Variants in LINGO2 observed in about 807,000 individuals in gnomAD.
LINGO2 encodes the protein leucine rich repeat and Ig domain containing 2, also known as leucine-rich repeat and immunoglobulin-like domain-containing nogo receptor-interacting protein 2.
In LINGO2, 14 loss-of-function variants were observed where a neutral mutation model predicts 30.6. The observed-to-expected ratio is 0.46, with a 90% confidence interval of 0.30 to 0.72. LINGO2 has a LOEUF of 0.72. LINGO2 is among the 30% of genes least tolerant of loss of function. LINGO2 has a pLI of 0.07. For missense variants in LINGO2, 729 were observed against 751.7 expected, an observed-to-expected ratio of 0.97 and a Z score of 0.35; for synonymous variants, 317 against 288.5, an observed-to-expected ratio of 1.10 and a Z score of -1.00.
At chr9:28,205,208 T>C (rs1387663242) in intron 4 of LINGO2, among the ~76,000 whole-genome samples, 2 of 152,324 alleles carry the variant, frequency 1.3e-5, no homozygotes, top group African/African-American at 2.4e-5. Context: ...TGTGTTCAAA[T>C]AGCATATGAT....
chr9:28,542,273 G>GA (rs565574188), intron 1 of LINGO2, among the ~76,000 whole-genome samples: 151 of 149,260 alleles, frequency 1.0e-3, no homozygotes, highest in South Asian at 3.0e-3. Context: ...GGTAGATCCT[G>GA]AAAAAAAAAC....
intron 1 of LINGO2, among the ~76,000 whole-genome samples, chr9:28,495,649 T>G (rs528666105): frequency 5.9e-5 from 9 of 152,024 alleles, no homozygotes; most frequent in Admixed American, 5.9e-4. Flanking sequence ...GTCAGGTGTC[T>G]CTATTTCCTT....
intron 1 of LINGO2, among the ~76,000 whole-genome samples, chr9:28,532,349 G>A (rs1375084894): frequency 6.6e-6 from 1 of 152,094 alleles, no homozygotes; most frequent in East Asian, 1.9e-4. Context: ...AATAGGTTGT[G>A]AGAATTCAAA....
chr9:28,433,123 A>G (rs1237298318), intron 2 of LINGO2, among the ~76,000 whole-genome samples: 2 of 152,172 alleles, frequency 1.3e-5, no homozygotes, highest in African/African-American at 4.8e-5. Flanking sequence ...GCAGTGGATT[A>G]TAAAGACATG....
chr9:28,037,338 T>C (rs1490317710), intron 4 of LINGO2, among the ~76,000 whole-genome samples: 1 of 152,218 alleles, frequency 6.6e-6, no homozygotes, highest in African/African-American at 2.4e-5. Flanking sequence ...TTAAACTTTA[T>C]ACTCCAGTAA....
At chr9:28,179,329 T>C (rs1397242211) in intron 4 of LINGO2, among the ~76,000 whole-genome samples, 1 of 143,242 alleles carries the variant, frequency 7.0e-6, no homozygotes, top group Non-Finnish European at 1.5e-5. Context: ...ATACTATATG[T>C]ATATATATAC....
At chr9:28,041,201 A>C (rs1045128221) in intron 4 of LINGO2, among the ~76,000 whole-genome samples, 2 of 152,186 alleles carry the variant, frequency 1.3e-5, no homozygotes, top group African/African-American at 4.8e-5. Flanking sequence ...TGCACCTCAT[A>C]AACTGTTTTC....
chr9:28,371,107 T>A (rs1820878180), intron 3 of LINGO2, among the ~76,000 whole-genome samples: 1 of 152,302 alleles, frequency 6.6e-6, no homozygotes, highest in South Asian at 2.1e-4. Flanking sequence ...AATATTTAAA[T>A]GTTTCCTGGA....
chr9:27,988,389 G>T (rs966362289), intron 5 of LINGO2, among the ~76,000 whole-genome samples: 8 of 151,958 alleles, frequency 5.3e-5, no homozygotes, highest in African/African-American at 1.9e-4. Context: ...TGGGTCCAAT[G>T]GTATTTCTAG....
the LINGO2 span, among the ~76,000 whole-genome samples, chr9:28,883,119 G>A: frequency 0.054 from 8,224 of 152,140 alleles, 262 homozygotes; most frequent in East Asian, 0.11. Flanking sequence ...TTATCTACCT[G>A]TTGAGCTCAA....
chr9:29,191,172 A>C, the LINGO2 span, among the ~76,000 whole-genome samples: 6 of 152,326 alleles, frequency 3.9e-5, no homozygotes, highest in Admixed American at 3.3e-4. Context: ...ACACCTGATA[A>C]AATTTAAGCA....
At chr9:28,434,074 T>C (rs1823812529) in intron 2 of LINGO2, among the ~76,000 whole-genome samples, 1 of 151,500 alleles carries the variant, frequency 6.6e-6, no homozygotes, top group Non-Finnish European at 1.5e-5. Flanking sequence ...CTGGAGGCCA[T>C]TATTCTAAGT....
chr9:28,719,299 C>A, the LINGO2 span, among the ~76,000 whole-genome samples: 1 of 152,004 alleles, frequency 6.6e-6, no homozygotes, highest in Non-Finnish European at 1.5e-5. Flanking sequence ...TACATCTTCT[C>A]TAAATTAACC....
At chr9:28,660,898 T>G (rs1363052956) in intron 1 of LINGO2, among the ~76,000 whole-genome samples, 1 of 152,166 alleles carries the variant, frequency 6.6e-6, no homozygotes, top group East Asian at 1.9e-4. Context: ...GAAGGAGAGC[T>G]GTCTTTGATT....
chr9:28,049,500 C>T (rs1317107099), intron 4 of LINGO2, among the ~76,000 whole-genome samples: 2 of 150,300 alleles, frequency 1.3e-5, no homozygotes, highest in Admixed American at 6.7e-5. Flanking sequence ...AGGGACTAGG[C>T]ATGAAGGTAG....
Position 28,535,579 on chromosome 9 carries a change from A to C in LINGO2, c.-364-59554T>G, listed in dbSNP as rs193236120. Among the ~76,000 whole-genome samples the C allele has an allele frequency of 2.6e-5, 4 of 152,242 alleles. No homozygotes were observed. In the East Asian group the frequency reaches 7.8e-4, roughly 30 times the overall value. On this transcript the variant is annotated intron_variant, in intron 1 of 5. Transcript: ENST00000379992. ...TATATAGAAAATGTTCAGAGACTTC[A>C]GCAGCAAGGTAGGCTAAGACTGTCC...
chr9:28,254,912 T>A (rs991063679), intron 4 of LINGO2, among the ~76,000 whole-genome samples: 1 of 152,198 alleles, frequency 6.6e-6, no homozygotes, highest in Non-Finnish European at 1.5e-5. Flanking sequence ...ATCCTCTCCC[T>A]GTTTCCACCC....
exon 6 of LINGO2, chr9:27,949,337 C>T (rs565403765): frequency 6.2e-7 from 1 of 1,614,018 alleles, no homozygotes; most frequent in Non-Finnish European, 8.5e-7. Context: ...TTCGGGGTGT[C>T]ACCCAGGAAA....
At chr9:28,216,080 G>C (rs934702729) in intron 4 of LINGO2, among the ~76,000 whole-genome samples, 1 of 151,826 alleles carries the variant, frequency 6.6e-6, no homozygotes, top group Non-Finnish European at 1.5e-5. Flanking sequence ...GAACTAAGCT[G>C]GAAAATGTGA....
Sources: gnomAD v4.1 joint callset for allele counts (sites outside exome capture counted in the v4.1 genomes callset) on GRCh38, gnomAD v4.1.1 for gene constraint, MANE v1.5 for transcripts, NCBI Gene and HGNC (gene_info 2026-07-23, HGNC 2026-07-21) for gene names.